Variants in IGSF11 observed in about 807,000 individuals in gnomAD.
The protein encoded by IGSF11 is immunoglobulin superfamily member 11, also known as CXADR like 1.
In IGSF11, 22 loss-of-function variants were observed where a neutral mutation model predicts 41.0. That is an observed-to-expected ratio of 0.54 (90% CI 0.38 to 0.77). The LOEUF is 0.77. Ranked by LOEUF, IGSF11 falls within the 30% of genes least tolerant of loss-of-function variation. The pLI is 0.00. For synonymous variants in IGSF11, 219 were observed against 201.3 expected (o/e 1.09, Z -0.74); for missense variants, 444 against 530.8 (o/e 0.84, Z 1.61).
intron 1 of IGSF11, among the ~76,000 whole-genome samples, chr3:119,033,051 G>GA (rs1270932583): frequency 2.0e-5 from 3 of 152,126 alleles, no homozygotes; most frequent in Admixed American, 6.5e-5. Context: ...TTTTGCTGAA[G>GA]AAAAAAGAAC....
Position 119,034,628 on chromosome 3 carries a change from C to G in IGSF11, c.-46G>C. 1.3e-6 allele frequency: 2 copies of G among 1,548,462 alleles called. No homozygotes were observed. The highest frequency in any genetic ancestry group is 2.5e-5 in the East Asian group (1 of 40,742). On this transcript the variant is annotated 5_prime_UTR_variant, in exon 1 of 7. Transcript: ENST00000393775. Reference sequence around the variant, plus strand: ...GCCTGCCTCCTACCCGGCTCCCGGTCGCAACAGGAGAGGAGCGGGCGTGAG... The same window carrying G: ...GCCTGCCTCCTACCCGGCTCCCGGTGGCAACAGGAGAGGAGCGGGCGTGAG...
intron 1 of IGSF11, among the ~76,000 whole-genome samples, chr3:119,137,356 T>C (rs1347084503): frequency 6.6e-6 from 1 of 152,162 alleles, no homozygotes; most frequent in African/African-American, 2.4e-5. Context: ...GGCATGATAC[T>C]GGCATAAAAA....
At chr3:118,959,460 G>C (rs1481148088) in intron 1 of IGSF11, among the ~76,000 whole-genome samples, 1 of 152,174 alleles carries the variant, frequency 6.6e-6, no homozygotes, top group East Asian at 1.9e-4. Context: ...ATGCCTTACA[G>C]AGTTATGTCA....
intron 1 of IGSF11, among the ~76,000 whole-genome samples, chr3:119,124,981 C>T (rs1576829004): frequency 1.3e-5 from 2 of 152,220 alleles, no homozygotes; most frequent in South Asian, 4.2e-4. Context: ...CAGTGGAAAC[C>T]TTACAGGTCT....
At chr3:119,141,109 A>G (rs1409300287) in intron 1 of IGSF11, among the ~76,000 whole-genome samples, 3 of 151,738 alleles carry the variant, frequency 2.0e-5, no homozygotes, top group African/African-American at 7.3e-5. Flanking sequence ...ATAAATCAAC[A>G]GAAAAAATTT....
At chr3:119,086,070 T>C (rs2076667065) in intron 1 of IGSF11, among the ~76,000 whole-genome samples, 1 of 152,190 alleles carries the variant, frequency 6.6e-6, no homozygotes, top group Non-Finnish European at 1.5e-5. Flanking sequence ...ATTTATGGCA[T>C]ATGCACTATG....
rs1166525743 is a variant in IGSF11 at position 118,901,782 on chromosome 3, T to G, written c.*738A>C. On this transcript the variant is annotated 3_prime_UTR_variant, in exon 7 of 7. Coordinates refer to ENST00000393775, the MANE Select transcript of IGSF11 (RefSeq NM_001015887.3). ...AAAAAAAGCCTTTTATAAAAAAATA[T>G]TTTTCCAGGAAAAAATAAACAGTAA... The G allele has an allele frequency of 6.6e-6, 1 of 151,818 alleles. No individual in the cohort carries two copies. Among genetic ancestry groups the G allele is most frequent in the Non-Finnish European group, 1.5e-5 (1 of 67,972 alleles). 9.4% of individuals were successfully genotyped at this position (151,818 alleles called of 1,614,324 possible).
chr3:119,078,604 A>G (rs947227012), intron 1 of IGSF11, among the ~76,000 whole-genome samples: 3 of 152,246 alleles, frequency 2.0e-5, no homozygotes, highest in African/African-American at 7.2e-5. Context: ...ACCTAAAACT[A>G]TAAAAACCCT....
intron 1 of IGSF11, among the ~76,000 whole-genome samples, chr3:119,007,387 C>T (rs1218898802): frequency 6.8e-6 from 1 of 146,440 alleles, no homozygotes; most frequent in African/African-American, 2.7e-5. Flanking sequence ...GAGATGAACC[C>T]GGTACCTCAG....
intron 1 of IGSF11, among the ~76,000 whole-genome samples, chr3:118,994,379 G>A (rs1461090958): frequency 2.0e-5 from 3 of 152,160 alleles, no homozygotes; most frequent in Admixed American, 1.3e-4. Flanking sequence ...TAGTGGGGCT[G>A]GGCACAGTGG....
upstream of IGSF11, among the ~76,000 whole-genome samples, chr3:119,109,859 T>C (rs1441068897): frequency 6.6e-6 from 1 of 152,236 alleles, no homozygotes; most frequent in Non-Finnish European, 1.5e-5. Context: ...CCAGTAGTCA[T>C]TCAGGAGCAG....
intron 1 of IGSF11, among the ~76,000 whole-genome samples, chr3:119,033,759 G>T (rs1044993154): frequency 6.6e-6 from 1 of 152,122 alleles, no homozygotes; most frequent in African/African-American, 2.4e-5. Flanking sequence ...ACAGGAGAAT[G>T]CACACACAAA....
intron 1 of IGSF11, among the ~76,000 whole-genome samples, chr3:118,984,793 A>G (rs966624373): frequency 1.3e-5 from 2 of 152,190 alleles, no homozygotes; most frequent in Non-Finnish European, 2.9e-5. Context: ...CTGAGACAAG[A>G]GGAGGGAAAG....
chr3:119,033,696 G>GA (rs35815349), intron 1 of IGSF11, among the ~76,000 whole-genome samples: 2,674 of 151,890 alleles, frequency 0.018, 35 homozygotes, highest in Non-Finnish European at 0.029. Flanking sequence ...ACATCCTTCA[G>GA]AAAAAAAATC....
chr3:119,105,237 T>G (rs2077003431), upstream of IGSF11: 1 of 1,268,014 alleles, frequency 7.9e-7, no homozygotes, highest in African/African-American at 1.5e-5. Flanking sequence ...GAAGAGAGAC[T>G]TTATGTCATC....
At chr3:119,045,472 C>T (rs375049699) in intron 1 of IGSF11, among the ~76,000 whole-genome samples, 11 of 152,196 alleles carry the variant, frequency 7.2e-5, no homozygotes, top group African/African-American at 2.4e-4. Context: ...GATTATATCC[C>T]GCACATGGCT....
At chr3:119,123,456 A>G (rs933953604) in intron 1 of IGSF11, among the ~76,000 whole-genome samples, 3 of 152,238 alleles carry the variant, frequency 2.0e-5, no homozygotes, top group Non-Finnish European at 4.4e-5. Context: ...AAGCTTGACT[A>G]GCTTTGCCGC....
At chr3:119,110,016 G>T (rs1172529248), upstream of IGSF11, among the ~76,000 whole-genome samples, 47 of 151,932 alleles carry the variant, frequency 3.1e-4, no homozygotes, top group Admixed American at 3.1e-3. Context: ...CCAACTATGT[G>T]GTCAATTTTG....
At chr3:119,028,164 T>C (rs1488764354) in intron 1 of IGSF11, among the ~76,000 whole-genome samples, 1 of 152,182 alleles carries the variant, frequency 6.6e-6, no homozygotes, top group Admixed American at 6.5e-5. Context: ...TGACTTTTGA[T>C]ATTTTGAGAG....
Sources: gnomAD v4.1 joint callset for allele counts (sites outside exome capture counted in the v4.1 genomes callset) on GRCh38, gnomAD v4.1.1 for gene constraint, MANE v1.5 for transcripts, NCBI Gene and HGNC (gene_info 2026-07-23, HGNC 2026-07-21) for gene names.